The following APPL1 variants were observed in gnomAD, a reference collection of about 807,000 sequenced individuals.
The protein encoded by APPL1 is adaptor protein, phosphotyrosine interacting with PH domain and leucine zipper 1.
In APPL1, 42 loss-of-function variants were observed where a neutral mutation model predicts 106.8. The ratio of observed to expected loss-of-function variants is 0.39; its 90% confidence interval spans 0.31 to 0.51. The LOEUF is 0.51. Ranked by LOEUF, APPL1 falls within the 20% of genes least tolerant of loss-of-function variation. APPL1 has a pLI of 0.75. For missense variants in APPL1, 769 were observed against 858.2 expected, an observed-to-expected ratio of 0.90 and a Z score of 1.30; for synonymous variants, 263 against 281.8, an observed-to-expected ratio of 0.93 and a Z score of 0.67.
chr3:57,257,742 T>A (rs1036906709), intron 15 of APPL1, among the ~76,000 whole-genome samples: 2 of 152,208 alleles, frequency 1.3e-5, no homozygotes, highest in African/African-American at 4.8e-5. Flanking sequence ...TGACAATTTT[T>A]AAAAAATTCT....
chr3:57,229,333 T>C (rs892914529), intron 1 of APPL1, among the ~76,000 whole-genome samples: 1 of 152,226 alleles, frequency 6.6e-6, no homozygotes, highest in Non-Finnish European at 1.5e-5. Context: ...TGGCTTTTTT[T>C]TTTAATAGCC....
chr3:57,236,373 G>A (rs1251786386), intron 2 of APPL1, among the ~76,000 whole-genome samples: 7 of 148,574 alleles, frequency 4.7e-5, no homozygotes, highest in Non-Finnish European at 1.0e-4. Flanking sequence ...ATGTCTCCCA[G>A]GCTGGAGTGC....
In APPL1 at chr3:57,228,230, C is replaced by A. The variant is rs1342817485; in HGVS notation, c.54+293C>A. 6.6e-6 allele frequency among the ~76,000 whole-genome samples: 1 copy of A among 152,154 alleles called. No individual in the cohort carries two copies. The highest frequency in any genetic ancestry group is 1.9e-4 in the East Asian group (1 of 5,196). On this transcript the variant is annotated intron_variant, in intron 1 of 21. Coordinates refer to ENST00000288266, the MANE Select transcript of APPL1 (RefSeq NM_012096.3). The surrounding 1 kb of genome is among the most constrained non-coding windows in gnomAD (Gnocchi z 4.6). ...GGTCCTTTTTATTTGACGAAAGGCG[C>A]CGTTTTTATCGCGGTGATGTGAGGT...
intron 19 of APPL1, among the ~76,000 whole-genome samples, chr3:57,263,990 A>G (rs1312981037): frequency 6.6e-6 from 1 of 152,152 alleles, no homozygotes; most frequent in African/African-American, 2.4e-5. Flanking sequence ...TGGTTATACT[A>G]ATTTACATTC....
intron 21 of APPL1, 99 bp from the exon 22 acceptor site, chr3:57,269,440 TTA>T: frequency 1.6e-6 from 2 of 1,226,666 alleles, no homozygotes; most frequent in Non-Finnish European, 2.2e-6. Context: ...GCATACATAT[TTA>T]TGACAGAAGA....
At chr3:57,233,326 T>C (rs1375557039) in intron 1 of APPL1, among the ~76,000 whole-genome samples, 1 of 152,226 alleles carries the variant, frequency 6.6e-6, no homozygotes, top group Non-Finnish European at 1.5e-5. Context: ...CTACTAACTT[T>C]AAACAAACAG....
chr3:57,241,293 T>C (rs187140289), intron 5 of APPL1, among the ~76,000 whole-genome samples: 1,601 of 152,190 alleles, frequency 0.011, 28 homozygotes, highest in Non-Finnish European at 0.012. Context: ...TGGGCCGAAG[T>C]GGCAAGAGGT....
In APPL1 at chr3:57,227,803, G is replaced by A. The variant is rs998328674; in HGVS notation, c.-81G>A. ...AGCCCTTGCCGGAGAGGGCGGGCCGGGGTCAGCTGCGGCGGGCGGGCCGGC... is the reference window on the plus strand; with the variant it reads ...AGCCCTTGCCGGAGAGGGCGGGCCGAGGTCAGCTGCGGCGGGCGGGCCGGC... On this transcript the variant is annotated 5_prime_UTR_variant, in exon 1 of 22. Coordinates refer to ENST00000288266, the MANE Select transcript of APPL1 (RefSeq NM_012096.3). 3 of 1,261,128 alleles carry A rather than the reference G, an allele frequency of 2.4e-6. No homozygotes were observed. Among genetic ancestry groups the A allele is most frequent in the Non-Finnish European group, 3.2e-6 (3 of 950,138 alleles). The allele number at this position is 1,261,128 out of a possible 1,614,324, so 78.1% of individuals were successfully genotyped here.
At position 57,228,024 on chromosome 3, in the gene APPL1, G is replaced by T. The variant is rs1313038681; in HGVS notation, c.54+87G>T. On this transcript the variant is annotated intron_variant, in intron 1 of 21. Coordinates refer to ENST00000288266, the MANE Select transcript of APPL1 (RefSeq NM_012096.3). This position sits in a 1 kb window ranked among gnomAD's most constrained non-coding sequence, Gnocchi z 4.6. ...GCCTCCGCGGCTCCCGCAGGTGCCCGCCCCGGCCCAGGTGGGGGCCGCCGC... is the reference window on the plus strand; with the variant it reads ...GCCTCCGCGGCTCCCGCAGGTGCCCTCCCCGGCCCAGGTGGGGGCCGCCGC... The T allele has an allele frequency of 2.5e-6, 3 of 1,194,054 alleles. No homozygotes were observed. Among genetic ancestry groups the T allele is most frequent in the Non-Finnish European group, 2.2e-6 (2 of 920,406 alleles). 74.0% of individuals were successfully genotyped at this position (1,194,054 alleles called of 1,614,324 possible). A position where few individuals can be genotyped will look rare whatever the true frequency, so the allele number is the denominator to read the frequency against.
chr3:57,245,796 C>G (rs1198953520), intron 7 of APPL1, among the ~76,000 whole-genome samples: 1 of 152,080 alleles, frequency 6.6e-6, no homozygotes, highest in South Asian at 2.1e-4. Flanking sequence ...CGTCCCGCCT[C>G]GGCCTCCCAA....
chr3:57,247,284 C>A, intron 8 of APPL1, 111 bp from the exon 9 acceptor site: 2 of 615,114 alleles, frequency 3.3e-6, no homozygotes, highest in South Asian at 2.3e-5. Context: ...TGGGAATATT[C>A]CTTTGTTTTT....
intron 5 of APPL1, among the ~76,000 whole-genome samples, 162 bp downstream of exon 5, chr3:57,240,714 A>G (rs771109686): frequency 6.6e-6 from 1 of 152,230 alleles, no homozygotes; most frequent in Non-Finnish European, 1.5e-5. Flanking sequence ...ATGTCAAACT[A>G]GATATTGAGA....
At chr3:57,268,673 AG>A in intron 21 of APPL1, 186 bp downstream of exon 21, 3 of 465,480 alleles carry the variant, frequency 6.4e-6, no homozygotes, top group Non-Finnish European at 1.0e-5. Flanking sequence ...TTTACATTAT[AG>A]TTACGTTGAC....
chr3:57,268,054 CTG>C (rs1293006857), intron 20 of APPL1: 1 of 534,180 alleles, frequency 1.9e-6, no homozygotes, highest in Non-Finnish European at 3.3e-6. Flanking sequence ...GATCACACCA[CTG>C]CACTCCAGCC....
At position 57,227,771 on chromosome 3, in the gene APPL1, C is replaced by A. The variant is rs1012709200; in HGVS notation, c.-113C>A. ...CTGGAGAAGGCTGTGCGGGCGGGGA[C>A]GGCTGCAGCCCTTGCCGGAGAGGGC... On this transcript the variant is annotated 5_prime_UTR_variant, in exon 1 of 22. Coordinates refer to ENST00000288266, the MANE Select transcript of APPL1 (RefSeq NM_012096.3). 4 of 898,822 alleles carry A rather than the reference C, an allele frequency of 4.5e-6. No individual in the cohort carries two copies. Among genetic ancestry groups the A allele is most frequent in the Admixed American group, 4.2e-5 (1 of 24,094 alleles). The allele number at this position is 898,822 out of a possible 1,614,324, so 55.7% of individuals were successfully genotyped here.
chr3:57,235,366 AT>A (rs1011736392), intron 1 of APPL1, among the ~76,000 whole-genome samples, 199 bp from the exon 2 acceptor site: 12 of 152,182 alleles, frequency 7.9e-5, no homozygotes, highest in Admixed American at 5.9e-4. Flanking sequence ...TAGTTGGAAA[AT>A]ACCTCTGCTT....
At chr3:57,269,451 G>A in intron 21 of APPL1, 90 bp from the exon 22 acceptor site, 2 of 1,311,288 alleles carry the variant, frequency 1.5e-6, no homozygotes, top group Non-Finnish European at 2.0e-6. Flanking sequence ...TATGACAGAA[G>A]AAGTGGCTCT....
chr3:57,266,027 G>A (rs184371489), intron 19 of APPL1, among the ~76,000 whole-genome samples: 30 of 152,332 alleles, frequency 2.0e-4, no homozygotes, highest in Non-Finnish European at 3.4e-4. Flanking sequence ...AACTATCTTT[G>A]CATTCCTGGG....
intron 16 of APPL1, among the ~76,000 whole-genome samples, chr3:57,259,410 T>G (rs927051460): frequency 1.3e-5 from 2 of 152,200 alleles, no homozygotes; most frequent in Admixed American, 6.5e-5. Context: ...ACTATTTATT[T>G]GAATTCTAAA....
Sources: gnomAD v4.1 joint callset for allele counts (sites outside exome capture counted in the v4.1 genomes callset) on GRCh38, gnomAD v4.1.1 for gene constraint, Gnocchi (gnomAD v3.1) non-coding constraint, MANE v1.5 for transcripts, NCBI Gene and HGNC (gene_info 2026-07-23, HGNC 2026-07-21) for gene names.